The following HPSE2 variants were observed in gnomAD, a reference collection of about 807,000 sequenced individuals.
HPSE2 encodes the protein inactive heparanase-2.
Under a neutral mutation model 60.5 loss-of-function variants are expected in HPSE2, and 38 were observed. That is an observed-to-expected ratio of 0.63 (90% CI 0.48 to 0.82). The LOEUF (loss-of-function observed/expected upper bound fraction) is 0.82, where lower values mean the gene tolerates loss of function less well. Ranked by LOEUF, HPSE2 falls within the 40% of genes least tolerant of loss-of-function variation. The pLI, the probability that HPSE2 is intolerant of heterozygous loss-of-function variation, is 0.00. For missense variants in HPSE2, 713 were observed against 740.4 expected, an observed-to-expected ratio of 0.96 and a Z score of 0.43; for synonymous variants, 295 against 293.2, an observed-to-expected ratio of 1.01 and a Z score of -0.06.
chr10:98,884,842 T>C (rs1953122745), intron 3 of HPSE2, among the ~76,000 whole-genome samples: 1 of 152,150 alleles, frequency 6.6e-6, no homozygotes, highest in Non-Finnish European at 1.5e-5. Flanking sequence ...GACAGAGATG[T>C]ACAAAGAGAC....
chr10:99,045,657 C>T (rs1051009241), intron 3 of HPSE2, among the ~76,000 whole-genome samples: 6 of 151,992 alleles, frequency 3.9e-5, no homozygotes, highest in Admixed American at 3.9e-4. Flanking sequence ...AATGACTTTA[C>T]AACTGATCCC....
At chr10:99,098,452 T>G (rs1843800314) in intron 3 of HPSE2, among the ~76,000 whole-genome samples, 1 of 152,222 alleles carries the variant, frequency 6.6e-6, no homozygotes, top group Non-Finnish European at 1.5e-5. Context: ...ATAGGCTATT[T>G]TCAATTCCAT....
chr10:98,833,265 C>T (rs1951722408), intron 3 of HPSE2, among the ~76,000 whole-genome samples: 1 of 152,128 alleles, frequency 6.6e-6, no homozygotes, highest in African/African-American at 2.4e-5. Context: ...TACTTTTCTT[C>T]CTGAATATCT....
At chr10:98,711,449 G>A (rs1468525304) in intron 5 of HPSE2, among the ~76,000 whole-genome samples, 1 of 152,102 alleles carries the variant, frequency 6.6e-6, no homozygotes, top group South Asian at 2.1e-4. Context: ...ATTGAAATAT[G>A]AAGATTCAGA....
chr10:99,003,106 T>G (rs1564728718), intron 3 of HPSE2, among the ~76,000 whole-genome samples: 1 of 152,288 alleles, frequency 6.6e-6, no homozygotes, highest in Admixed American at 6.5e-5. Flanking sequence ...TATGCAGTAT[T>G]TATCTTTCTT....
intron 2 of HPSE2, among the ~76,000 whole-genome samples, chr10:99,177,303 C>A (rs1307769246): frequency 6.6e-6 from 1 of 151,874 alleles, no homozygotes; most frequent in African/African-American, 2.4e-5. Flanking sequence ...GAGCTGAATA[C>A]CCCAGTTAAA....
intron 4 of HPSE2, among the ~76,000 whole-genome samples, chr10:98,723,708 A>C (rs555027863): frequency 6.6e-6 from 1 of 152,198 alleles, no homozygotes; most frequent in South Asian, 2.1e-4. Context: ...TGTATGTGTC[A>C]AGGAATTTAC....
At chr10:98,631,351 A>T (rs1435646714) in intron 7 of HPSE2, among the ~76,000 whole-genome samples, 1 of 152,218 alleles carries the variant, frequency 6.6e-6, no homozygotes, top group Non-Finnish European at 1.5e-5. Flanking sequence ...AGAAAATGGG[A>T]AAGAAAAGTT....
At chr10:98,917,562 T>C (rs1377972580) in intron 3 of HPSE2, among the ~76,000 whole-genome samples, 1 of 152,214 alleles carries the variant, frequency 6.6e-6, no homozygotes, top group Non-Finnish European at 1.5e-5. Flanking sequence ...ATCCAATTCT[T>C]CACCTTTAAA....
At chr10:98,834,987 T>A (rs539943541) in intron 3 of HPSE2, among the ~76,000 whole-genome samples, 11 of 152,286 alleles carry the variant, frequency 7.2e-5, no homozygotes, top group South Asian at 6.2e-4. Context: ...ATTTTTAAAT[T>A]TCTCTATCTT....
At position 98,638,137 on chromosome 10, in the gene HPSE2, CAAAAAAAAAAAAAAAA is replaced by C. The variant is rs34364786; in HGVS notation, c.1098+3694_1098+3709del. Among the ~76,000 whole-genome samples the C allele has an allele frequency of 6.1e-3, 89 of 14,702 alleles. 2 individuals are homozygous for C. The highest frequency in any genetic ancestry group is 0.018 in the African/African-American group (85 of 4,850). The allele number at this position is 14,702 out of a possible 152,430, so 9.6% of individuals were successfully genotyped here. A position where few individuals can be genotyped will look rare whatever the true frequency, so the allele number is the denominator to read the frequency against. ...CTGGGTGACAAAGTGAGACCCATCT[CAAAAAAAAAAAAAAAA>C]AAAAAAAAAAGGCTGGGTGCAGTGG... On this transcript the variant is annotated intron_variant, in intron 7 of 11. Transcript: ENST00000370552.
At chr10:99,240,006 T>C (rs1191796485), upstream of HPSE2, among the ~76,000 whole-genome samples, 1 of 151,768 alleles carries the variant, frequency 6.6e-6, no homozygotes, top group Admixed American at 6.6e-5. Context: ...CTGACCAACA[T>C]AGTGAAACCC....
At chr10:99,275,249 T>C in the HPSE2 span, among the ~76,000 whole-genome samples, 3 of 152,306 alleles carry the variant, frequency 2.0e-5, no homozygotes, top group African/African-American at 7.2e-5. Context: ...AAAGACAAAC[T>C]GAGGTGAAAT....
chr10:98,821,085 C>T (rs1394318228), intron 3 of HPSE2, among the ~76,000 whole-genome samples: 1 of 152,118 alleles, frequency 6.6e-6, no homozygotes, highest in African/African-American at 2.4e-5. Context: ...AATTCCTAGA[C>T]CAAATACAGA....
intron 3 of HPSE2, among the ~76,000 whole-genome samples, chr10:98,765,909 A>G (rs1335764624): frequency 1.3e-5 from 2 of 152,054 alleles, no homozygotes; most frequent in African/African-American, 4.8e-5. Flanking sequence ...AGAAGCTATA[A>G]AAAGAAAAGC....
At chr10:98,605,114 T>C (rs1260629612) in intron 9 of HPSE2, among the ~76,000 whole-genome samples, 1 of 152,230 alleles carries the variant, frequency 6.6e-6, no homozygotes, top group Non-Finnish European at 1.5e-5. Flanking sequence ...AGCTCCTCCC[T>C]TCCAGCCAGT....
intron 3 of HPSE2, among the ~76,000 whole-genome samples, chr10:99,112,604 A>G (rs1216699509): frequency 6.6e-6 from 1 of 152,112 alleles, no homozygotes; most frequent in Non-Finnish European, 1.5e-5. Context: ...TGACTATTTC[A>G]AATGAAGATA....
At chr10:98,475,120 A>ATT (rs56097343) in intron 11 of HPSE2, among the ~76,000 whole-genome samples, 29,676 of 141,200 alleles carry the variant, frequency 0.21, 4,203 homozygotes, top group African/African-American at 0.4. Flanking sequence ...CCACAATTCT[A>ATT]TTTTTTTTTT....
intron 3 of HPSE2, among the ~76,000 whole-genome samples, chr10:99,106,635 A>T (rs1844260202): frequency 6.6e-6 from 1 of 151,734 alleles, no homozygotes; most frequent in South Asian, 2.1e-4. Flanking sequence ...AATAATAATA[A>T]TATTAATAAT....
Sources: gnomAD v4.1 joint callset for allele counts (sites outside exome capture counted in the v4.1 genomes callset) on GRCh38, gnomAD v4.1.1 for gene constraint, MANE v1.5 for transcripts, NCBI Gene and HGNC (gene_info 2026-07-23, HGNC 2026-07-21) for gene names.